TVP23C: variants seen among roughly 807,000 people sequenced by gnomAD.
The protein encoded by TVP23C is trans-golgi network vesicle protein 23 homolog C, also known as Golgi apparatus membrane protein TVP23 homolog C.
Under a neutral mutation model 28.7 loss-of-function variants are expected in TVP23C, and 19 were observed. That is an observed-to-expected ratio of 0.66 (90% confidence interval 0.46 to 0.97). The LOEUF (loss-of-function observed/expected upper bound fraction) is 0.97, where lower values mean the gene tolerates loss of function less well. Among genes scored for constraint, TVP23C ranks in the 50% least tolerant of loss-of-function variants. The probability of loss-of-function intolerance (pLI) is 0.00; values close to 1 mark genes in which losing one functional copy is unlikely to be tolerated. For synonymous variants in TVP23C, 68 were observed against 81.7 expected (o/e 0.83, Z 0.90); for missense variants, 186 against 241.3 (o/e 0.77, Z 1.52).
At chr17:15,555,846 C>A (rs1984105450) in intron 1 of TVP23C, among the ~76,000 whole-genome samples, 1 of 152,140 alleles carries the variant, frequency 6.6e-6, no homozygotes, top group Admixed American at 6.5e-5. Context: ...TTCATGCCTC[C>A]TCGGGGATTT....
At chr17:15,544,756 G>A (rs1370968046) in intron 5 of TVP23C, among the ~76,000 whole-genome samples, 1 of 151,890 alleles carries the variant, frequency 6.6e-6, no homozygotes, top group African/African-American at 2.4e-5. Context: ...ACTACCAGAA[G>A]AACTGAAAAA....
chr17:15,547,726 G>A (rs897129234), intron 3 of TVP23C, among the ~76,000 whole-genome samples: 1 of 152,090 alleles, frequency 6.6e-6, no homozygotes, highest in Non-Finnish European at 1.5e-5. Context: ...GGTGAAGAGA[G>A]GCAGACAACC....
intron 3 of TVP23C, among the ~76,000 whole-genome samples, chr17:15,552,620 G>A (rs1201596196): frequency 6.6e-6 from 1 of 151,692 alleles, no homozygotes; most frequent in Non-Finnish European, 1.5e-5. Flanking sequence ...GGAGGCAGAG[G>A]TTGCGGTGAG....
In TVP23C at chr17:15,553,711, A is replaced by T; in HGVS notation, c.214T>A (p.Leu72Met). Residue 72 changes from leucine (L) to methionine (M), a missense_variant, in exon 3 of 6, where the codon TTG becomes ATG. This residue lies in a region of TVP23C where 92 missense variants were observed against 94.3 expected (regional missense o/e 0.98). Coordinates refer to ENST00000518321, the MANE Select transcript of TVP23C (RefSeq NM_001135036.2). ...ITCMVTIILL[L>M]SCDFWAVKNV... ...TTCACTGCCCAAAAGTCACACGACA[A>T]CAACAAGATAATTGTAACCATACAG... 1.2e-6 allele frequency: 2 copies of T among 1,611,188 alleles called. No homozygotes were observed. The highest frequency in any genetic ancestry group is 1.7e-6 in the Non-Finnish European group (2 of 1,179,242).
intron 1 of TVP23C, among the ~76,000 whole-genome samples, chr17:15,559,596 A>G (rs1984289832): frequency 1.3e-5 from 2 of 148,792 alleles, no homozygotes; most frequent in Admixed American, 6.8e-5. Flanking sequence ...AGGGGAGAAG[A>G]AGGAGGGACA....
exon 6 of TVP23C, chr17:15,502,786 CCTCTCTCCTCTCTCCTCTCTCTCCTCT>C (rs952614601): frequency 1.8e-5 from 26 of 1,462,696 alleles, no homozygotes; most frequent in Non-Finnish European, 2.3e-5. Context: ...CTCTTCCCTC[CCTCTCTCCTCTCTCCTCTCTCTCCTCT>C]CTCTCTCTCT....
intron 3 of TVP23C, among the ~76,000 whole-genome samples, chr17:15,547,456 A>G (rs2270136): frequency 0.24 from 36,639 of 151,850 alleles, 4,929 homozygotes; most frequent in East Asian, 0.52. Context: ...ACCCCTTGCT[A>G]TTTGGTTACT....
At chr17:15,519,851 G>A (rs1377166372) in intron 5 of TVP23C, among the ~76,000 whole-genome samples, 2 of 152,152 alleles carry the variant, frequency 1.3e-5, no homozygotes, top group Admixed American at 6.5e-5. Context: ...GCAGTGAGCC[G>A]AGATCGCGCC....
At chr17:15,528,223 A>G (rs533727427) in intron 5 of TVP23C, among the ~76,000 whole-genome samples, 8 of 152,358 alleles carry the variant, frequency 5.3e-5, no homozygotes, top group African/African-American at 1.9e-4. Context: ...TTTAAAAAAA[A>G]TAAGTGTTTA....
chr17:15,542,993 A>G (rs1983485442), intron 5 of TVP23C, among the ~76,000 whole-genome samples: 1 of 152,204 alleles, frequency 6.6e-6, no homozygotes, highest in South Asian at 2.1e-4. Flanking sequence ...ACACTGCTAG[A>G]AAAAGACTGG....
chr17:15,537,682 C>T lies in TVP23C; in HGVS notation c.*2730G>A. ...ACATAAGCCAAAGTGCTCACTCTTACCATAGAAGCAAAACTTTCTCCTGAA... is the reference window on the plus strand; with the variant it reads ...ACATAAGCCAAAGTGCTCACTCTTATCATAGAAGCAAAACTTTCTCCTGAA... On this transcript the variant is annotated 3_prime_UTR_variant, in exon 6 of 6. Coordinates refer to ENST00000518321, the MANE Select transcript of TVP23C (RefSeq NM_001135036.2). 2 of 985,600 alleles carry T rather than the reference C, an allele frequency of 2.0e-6. No individual in the cohort carries two copies. The highest frequency in any genetic ancestry group is 2.4e-6 in the Non-Finnish European group (2 of 829,540). 61.1% of individuals were successfully genotyped at this position (985,600 alleles called of 1,614,324 possible). A position where few individuals can be genotyped will look rare whatever the true frequency, so the allele number is the denominator to read the frequency against.
intron 3 of TVP23C, among the ~76,000 whole-genome samples, chr17:15,550,093 T>G (rs990922796): frequency 3.3e-5 from 5 of 152,192 alleles, no homozygotes; most frequent in African/African-American, 1.2e-4. Flanking sequence ...ACTTATTGCT[T>G]GTTTTTGAAA....
At chr17:15,506,892 C>A in intron 5 of TVP23C, 2 of 863,504 alleles carry the variant, frequency 2.3e-6, no homozygotes, top group Non-Finnish European at 3.7e-6. Flanking sequence ...TGTTCTTCAA[C>A]ATCGCCATCA....
downstream of TVP23C, among the ~76,000 whole-genome samples, chr17:15,536,271 T>C (rs1334233052): frequency 1.1e-4 from 16 of 152,230 alleles, no homozygotes; most frequent in Admixed American, 1.0e-3. Context: ...CTCATTTCTC[T>C]GCCATTCACA....
chr17:15,505,411 G>A lies in TVP23C; in HGVS notation c.463-2179C>T, dbSNP rs184536180. Among the ~76,000 whole-genome samples the A allele has an allele frequency of 5.9e-4, 90 of 152,304 alleles. 1 individual carries two copies. Among genetic ancestry groups the A allele is most frequent in the Non-Finnish European group, 1.1e-3 (72 of 68,024 alleles). ...TGGTTTAGAGCACAGATTCTAGATC[G>A]AGACATTCCTGGGTTCAAATCCCAG... On this transcript the variant is annotated intron_variant, in intron 5 of 5. Coordinates refer to the TVP23C transcript ENST00000225576.
At chr17:15,551,345 A>T (rs1983880526) in intron 3 of TVP23C, among the ~76,000 whole-genome samples, 1 of 147,492 alleles carries the variant, frequency 6.8e-6, no homozygotes, top group Non-Finnish European at 1.5e-5. Flanking sequence ...TGACCTCATG[A>T]TCCACCCGCC....
intron 5 of TVP23C, among the ~76,000 whole-genome samples, chr17:15,513,204 T>A (rs1982075129): frequency 6.6e-6 from 1 of 152,146 alleles, no homozygotes; most frequent in Non-Finnish European, 1.5e-5. Context: ...GAATATACGG[T>A]CAGACTCAAA....
intron 5 of TVP23C, among the ~76,000 whole-genome samples, chr17:15,520,122 C>T (rs971466646): frequency 1.3e-5 from 2 of 150,886 alleles, no homozygotes; most frequent in Non-Finnish European, 2.9e-5. Flanking sequence ...CCAGCCTGAT[C>T]AACCATGATT....
intron 5 of TVP23C, 69 bp downstream of exon 5, chr17:15,545,716 G>C: frequency 6.5e-7 from 1 of 1,549,658 alleles, no homozygotes; most frequent in Admixed American, 2.0e-5. Context: ...CTCAGTTGCA[G>C]TTGTTGCTTC....
Sources: gnomAD v4.1 joint callset for allele counts (sites outside exome capture counted in the v4.1 genomes callset) on GRCh38, gnomAD v4.1.1 for gene constraint, gnomAD v4.1.1 regional missense constraint, MANE v1.5 for transcripts, NCBI Gene and HGNC (gene_info 2026-07-23, HGNC 2026-07-21) for gene names.